EXOC6B: variants seen among roughly 807,000 people sequenced by gnomAD.
EXOC6B encodes the protein exocyst complex component 6B, also known as SEC15 homolog B.
A neutral mutation model predicts 113.5 loss-of-function variants in EXOC6B; 54 were observed. That is an observed-to-expected ratio of 0.48 (90% confidence interval 0.38 to 0.60). The LOEUF is 0.60. EXOC6B is among the 20% of genes least tolerant of loss of function. The pLI is 0.00. For synonymous variants in EXOC6B, 357 were observed against 339.0 expected (o/e 1.05, Z -0.58); for missense variants, 797 against 977.5 (o/e 0.82, Z 2.46).
At chr2:72,451,001 C>T (rs2105361331) in intron 18 of EXOC6B, among the ~76,000 whole-genome samples, 1 of 152,274 alleles carries the variant, frequency 6.6e-6, no homozygotes, top group Non-Finnish European at 1.5e-5. Context: ...GGAAAGATCA[C>T]AATTACTTGT....
chr2:72,294,093 A>G (rs1685975829), intron 20 of EXOC6B, among the ~76,000 whole-genome samples: 1 of 152,072 alleles, frequency 6.6e-6, no homozygotes, highest in African/African-American at 2.4e-5. Flanking sequence ...AAAAAAAACA[A>G]TAGTAGAATT....
intron 8 of EXOC6B, among the ~76,000 whole-genome samples, chr2:72,542,751 G>C (rs1319844229): frequency 6.6e-6 from 1 of 152,182 alleles, no homozygotes; most frequent in East Asian, 1.9e-4. Flanking sequence ...GGCTCTGGCT[G>C]TAGTTATTTA....
At chr2:72,486,574 A>G (rs1005781796) in intron 16 of EXOC6B, among the ~76,000 whole-genome samples, 7 of 152,010 alleles carry the variant, frequency 4.6e-5, no homozygotes, top group Admixed American at 2.6e-4. Context: ...CTGTAGGTTT[A>G]GCTGAAGACC....
intron 16 of EXOC6B, among the ~76,000 whole-genome samples, chr2:72,484,554 G>A (rs1471882439): frequency 4.4e-5 from 6 of 136,152 alleles, no homozygotes; most frequent in African/African-American, 1.1e-4. Context: ...GCGACAGAGC[G>A]AGACTCCGTC....
At chr2:72,753,253 A>C (rs1471612821) in intron 1 of EXOC6B, among the ~76,000 whole-genome samples, 2 of 152,008 alleles carry the variant, frequency 1.3e-5, no homozygotes, top group African/African-American at 2.4e-5. Flanking sequence ...GAATTAAAAA[A>C]AAAAAAAAAG....
At chr2:72,392,688 T>C (rs1188934895) in intron 18 of EXOC6B, among the ~76,000 whole-genome samples, 1 of 152,220 alleles carries the variant, frequency 6.6e-6, no homozygotes, top group Non-Finnish European at 1.5e-5. Flanking sequence ...AGAGACTAGA[T>C]TATCTTATCA....
chr2:72,216,248 T>C (rs1218107047), intron 20 of EXOC6B, among the ~76,000 whole-genome samples: 1 of 152,158 alleles, frequency 6.6e-6, no homozygotes, highest in East Asian at 1.9e-4. Context: ...GCAAAGGACA[T>C]GAATAGACAC....
chr2:72,188,284 G>C (rs964801262), intron 20 of EXOC6B, among the ~76,000 whole-genome samples: 9 of 152,180 alleles, frequency 5.9e-5, no homozygotes, highest in Admixed American at 3.9e-4. Context: ...TTCCATTTTT[G>C]TCTTCCTGCC....
intron 19 of EXOC6B, among the ~76,000 whole-genome samples, chr2:72,353,837 A>G (rs556340852): frequency 6.9e-4 from 105 of 152,328 alleles, no homozygotes; most frequent in Admixed American, 1.8e-3. Context: ...GAAAATAGTA[A>G]TAACCACAAC....
rs773217964 is a variant in EXOC6B, at chr2:72,825,896, C to G, written c.15G>C (p.Lys5Asn). 9.9e-6 allele frequency: 16 copies of G among 1,613,154 alleles called. No individual in the cohort carries two copies. The highest frequency in any genetic ancestry group is 1.3e-5 in the Non-Finnish European group (15 of 1,179,678). Residue 5 changes from lysine (K) to asparagine (N), a missense_variant, in exon 1 of 22, where the codon AAG becomes AAC. Physicochemically the swap from Lys to Asn is moderately conservative, Grantham distance 94 (BLOSUM62 0). Coordinates refer to ENST00000272427, the MANE Select transcript of EXOC6B (RefSeq NM_015189.3). This position sits in a 1 kb window ranked among gnomAD's most constrained non-coding sequence, Gnocchi z 4.4. MERGKMAEAESLETA... is the reference protein window; with the variant it reads MERGNMAEAESLETA... Reference sequence around the variant, plus strand: ...TCTCCAGGCTCTCCGCCTCCGCCATCTTACCCCGCTCCATAGACTGGGGGC... The same window carrying G: ...TCTCCAGGCTCTCCGCCTCCGCCATGTTACCCCGCTCCATAGACTGGGGGC...
At chr2:72,811,203 C>T (rs1165239035) in intron 1 of EXOC6B, among the ~76,000 whole-genome samples, 1 of 152,038 alleles carries the variant, frequency 6.6e-6, no homozygotes, top group African/African-American at 2.4e-5. Context: ...CCCAGCTACT[C>T]AGGAGGCTAA....
intron 6 of EXOC6B, among the ~76,000 whole-genome samples, chr2:72,581,440 T>C (rs1364172016): frequency 1.3e-5 from 2 of 152,244 alleles, no homozygotes; most frequent in African/African-American, 4.8e-5. Context: ...CACATGCATG[T>C]GTGTTTCATG....
At chr2:72,773,400 G>A (rs1211493459) in intron 1 of EXOC6B, among the ~76,000 whole-genome samples, 8 of 147,632 alleles carry the variant, frequency 5.4e-5, no homozygotes, top group Admixed American at 1.4e-4. Context: ...AAGGTGTTGG[G>A]ATTACAGGTA....
chr2:72,425,488 T>C (rs1012466312), intron 18 of EXOC6B, among the ~76,000 whole-genome samples: 1 of 152,164 alleles, frequency 6.6e-6, no homozygotes, highest in Non-Finnish European at 1.5e-5. Context: ...GCCACATTTT[T>C]CCATTTATAT....
rs1032145573 is a variant in EXOC6B at position 72,492,790 on chromosome 2, G to A, written c.1554-361C>T. On this transcript the variant is annotated intron_variant, in intron 15 of 21. Coordinates refer to ENST00000272427, the MANE Select transcript of EXOC6B (RefSeq NM_015189.3). Reference sequence around the variant, plus strand: ...TACTATCATGTAATTTTTATTTTTGGGAATGCCTTCTAAACATTCTCTTTA... The same window carrying A: ...TACTATCATGTAATTTTTATTTTTGAGAATGCCTTCTAAACATTCTCTTTA... Among the ~76,000 whole-genome samples, 6 of 151,196 alleles carry A rather than the reference G, an allele frequency of 4.0e-5. No individual in the cohort carries two copies. In the South Asian group the frequency reaches 1.0e-3, roughly 26 times the overall value.
At chr2:72,360,797 T>C (rs567419063) in intron 19 of EXOC6B, among the ~76,000 whole-genome samples, 148 of 152,124 alleles carry the variant, frequency 9.7e-4, no homozygotes, top group African/African-American at 3.5e-3. Context: ...TCATATTTTC[T>C]TGATAAATGC....
At chr2:72,652,045 T>G (rs1384117066) in intron 6 of EXOC6B, among the ~76,000 whole-genome samples, 1 of 152,214 alleles carries the variant, frequency 6.6e-6, no homozygotes, top group Admixed American at 6.5e-5. Flanking sequence ...CTGTGATCTC[T>G]AGTTTCAAAT....
intron 20 of EXOC6B, among the ~76,000 whole-genome samples, chr2:72,259,105 G>A (rs1200292448): frequency 2.6e-5 from 4 of 152,154 alleles, no homozygotes. Flanking sequence ...GTTTAGGTGT[G>A]TTCTGAGAAA....
At chr2:72,783,236 A>G (rs551141276) in intron 1 of EXOC6B, among the ~76,000 whole-genome samples, 1 of 147,448 alleles carries the variant, frequency 6.8e-6, no homozygotes, top group East Asian at 2.0e-4. Context: ...AGGGTAAAAT[A>G]TATCCATGGT....
Sources: allele counts gnomAD v4.1 joint callset (sites outside exome capture counted in the v4.1 genomes callset), GRCh38; gene constraint gnomAD v4.1.1; non-coding constraint Gnocchi (gnomAD v3.1); transcripts MANE v1.5; gene names NCBI Gene and HGNC (gene_info 2026-07-23, HGNC 2026-07-21).